The following TYRO3 variants were observed in gnomAD, a reference collection of about 807,000 sequenced individuals.
TYRO3 encodes the protein tyrosine-protein kinase receptor TYRO3.
TYRO3 carries 38 observed loss-of-function variants against 95.2 expected under a neutral mutation model. The ratio of observed to expected loss-of-function variants is 0.40; its 90% CI spans 0.31 to 0.52. The LOEUF (loss-of-function observed/expected upper bound fraction) is 0.52, where lower values mean the gene tolerates loss of function less well. TYRO3 is among the 20% of genes least tolerant of loss of function. TYRO3 has a pLI of 0.56. For synonymous variants in TYRO3, 367 were observed against 432.9 expected (o/e 0.85, Z 1.89); for missense variants, 812 against 1,116.4 (o/e 0.73, Z 3.89).
chr15:41,561,415 T>C, intron 2 of TYRO3, 105 bp downstream of exon 2: 2 of 1,541,166 alleles, frequency 1.3e-6, no homozygotes, highest in Non-Finnish European at 1.8e-6. Flanking sequence ...CAGAGGTCTG[T>C]GGTTTTTTTA....
intron 1 of TYRO3, among the ~76,000 whole-genome samples, chr15:41,559,707 C>G (rs1049984572): frequency 7.9e-5 from 12 of 152,178 alleles, no homozygotes; most frequent in Admixed American, 5.9e-4. Flanking sequence ...CCCTCCTTCC[C>G]AGTACTGGGG....
At chr15:41,569,155 C>A in intron 9 of TYRO3, 133 bp downstream of exon 9, 2 of 1,113,588 alleles carry the variant, frequency 1.8e-6, no homozygotes, top group South Asian at 1.7e-5. Context: ...AAGTTGAGGC[C>A]AGGGCTGTTT....
intron 15 of TYRO3, 132 bp from the exon 16 acceptor site, chr15:41,572,870 G>T: frequency 1.3e-6 from 1 of 786,872 alleles, no homozygotes; most frequent in Non-Finnish European, 2.0e-6. Context: ...GCCTTGGGAA[G>T]GCCCTCCATC....
At position 41,583,109 on chromosome 15, in the gene TYRO3, G is replaced by C. The variant is rs1391092430; in HGVS notation, c.*4833G>C. On this transcript the variant is annotated 3_prime_UTR_variant, in exon 19 of 19. Coordinates refer to ENST00000263798, the MANE Select transcript of TYRO3 (RefSeq NM_006293.4). ...TCTCAGTTCAAGCGAGTCTCCTCCT[G>C]CCTCACACTCCCAATTAGCTGGGAC... 2.7e-5 allele frequency: 4 copies of C among 149,984 alleles called. No homozygotes were observed. Among genetic ancestry groups the C allele is most frequent in the African/African-American group, 9.8e-5 (4 of 40,718 alleles). The allele number at this position is 149,984 out of a possible 1,614,324, so 9.3% of individuals were successfully genotyped here.
chr15:41,576,267 C>T (rs921466506), intron 18 of TYRO3, among the ~76,000 whole-genome samples: 4 of 151,942 alleles, frequency 2.6e-5, no homozygotes, highest in African/African-American at 9.7e-5. Flanking sequence ...AATCTTGGCT[C>T]ACCACAACTT....
chr15:41,567,481 A>C lies in TYRO3; in HGVS notation c.905A>C (p.Asn302Thr), dbSNP rs200163412. 2 of 1,605,638 alleles carry C rather than the reference A, an allele frequency of 1.2e-6. No individual in the cohort carries two copies. Among genetic ancestry groups the C allele is most frequent in the Non-Finnish European group, 1.7e-6 (2 of 1,176,746 alleles). ...TACAGCCTCAGGGTGCGCTGTGCCA[A>C]TGCCTTGGGGCCCTCTCCCTATGCT... ...TNYSLRVRCANALGPSPYADW... is the reference protein window; with the variant it reads ...TNYSLRVRCATALGPSPYADW... The change falls in exon 7 of 19, where the codon AAT becomes ACT. Residue 302 changes from asparagine to threonine, a missense_variant. Transcript: ENST00000263798.
intron 6 of TYRO3, among the ~76,000 whole-genome samples, chr15:41,565,943 A>ATGAG (rs370198612): frequency 9.5e-4 from 145 of 152,268 alleles, no homozygotes; most frequent in African/African-American, 3.2e-3. Context: ...AGGCCATTTA[A>ATGAG]TGAGTACCTT....
chr15:41,577,660 GTAT>G (rs990585675), intron 18 of TYRO3: 1 of 392,592 alleles, frequency 2.5e-6, no homozygotes, highest in Non-Finnish European at 4.6e-6. Flanking sequence ...GCTAATTTTT[GTAT>G]TATTATAGAG....
chr15:41,565,147 C>G lies in TYRO3; in HGVS notation c.783+6C>G, dbSNP rs2055705991. On this transcript the variant is annotated splice_donor_region_variant and intron_variant, in intron 6 of 18. Coordinates refer to ENST00000263798, the MANE Select transcript of TYRO3 (RefSeq NM_006293.4). Reference sequence around the variant, plus strand: ...TACAGTCCTGTACAGTTCAGGTAGGCTCTCCGGGCCGGGCCATGCTCGTTC... The same window carrying G: ...TACAGTCCTGTACAGTTCAGGTAGGGTCTCCGGGCCGGGCCATGCTCGTTC... The G allele has an allele frequency of 7.7e-7, 1 of 1,296,878 alleles. No individual in the cohort carries two copies. Among genetic ancestry groups the G allele is most frequent in the Non-Finnish European group, 1.1e-6 (1 of 897,434 alleles). The allele number at this position is 1,296,878 out of a possible 1,614,324, so 80.3% of individuals were successfully genotyped here.
At chr15:41,577,787 G>C (rs2055878253) in intron 18 of TYRO3, 99 bp from the exon 19 acceptor site, 2 of 1,293,370 alleles carry the variant, frequency 1.5e-6, no homozygotes, top group Middle Eastern at 2.8e-4. Flanking sequence ...TGCCCCACCA[G>C]GGAATAAAAT....
chr15:41,566,320 TAAAAAAAAAAA>T (rs57924730), intron 6 of TYRO3, among the ~76,000 whole-genome samples: 5 of 40,958 alleles, frequency 1.2e-4, no homozygotes, highest in African/African-American at 6.0e-4. Context: ...CTGTCTCTAT[TAAAAAAAAAAA>T]AAAAAAAAAA....
rs2055748306 is a variant in TYRO3 at position 41,568,205 on chromosome 15, CTT to C, written c.962-10_962-9del. On this transcript the variant is annotated splice_polypyrimidine_tract_variant and intron_variant, in intron 7 of 18. Coordinates refer to ENST00000263798, the MANE Select transcript of TYRO3 (RefSeq NM_006293.4). ...GGCAGGGGTCTTAGCAATCTTCTCT[CTT>C]TGGCTGCAGCCCCAGCCAGCGCTCC... 6.2e-7 allele frequency: 1 copy of C among 1,611,756 alleles called. No homozygotes were observed. The highest frequency in any genetic ancestry group is 1.3e-5 in the African/African-American group (1 of 74,930).
intron 4 of TYRO3, among the ~76,000 whole-genome samples, 179 bp from the exon 5 acceptor site, chr15:41,564,005 C>G (rs771263551): frequency 3.3e-5 from 5 of 152,202 alleles, no homozygotes; most frequent in Non-Finnish European, 7.3e-5. Context: ...ACAGAGCCCT[C>G]TCCAGGCTCA....
intron 7 of TYRO3, among the ~76,000 whole-genome samples, chr15:41,567,990 T>C (rs2055745417): frequency 6.6e-6 from 1 of 152,010 alleles, no homozygotes; most frequent in African/African-American, 2.4e-5. Flanking sequence ...GCAGTAACCA[T>C]GGTGATGAAG....
intron 12 of TYRO3, 43 bp from the exon 13 acceptor site, chr15:41,570,995 C>T: frequency 6.3e-7 from 1 of 1,581,036 alleles, no homozygotes; most frequent in Non-Finnish European, 8.7e-7. Context: ...TGGCAGGGAG[C>T]AGAGAGCCAA....
intron 12 of TYRO3, 104 bp from the exon 13 acceptor site, chr15:41,570,934 C>A: frequency 7.7e-7 from 1 of 1,299,730 alleles, no homozygotes; most frequent in Non-Finnish European, 1.1e-6. Flanking sequence ...TCTCCACTGG[C>A]CCCAGAGTCT....
intron 14 of TYRO3, 96 bp downstream of exon 14, chr15:41,571,783 A>T (rs575014836): frequency 7.5e-5 from 41 of 548,846 alleles, no homozygotes; most frequent in Non-Finnish European, 1.3e-4. Flanking sequence ...TTTTGGACTC[A>T]TCTGGTAAAT....
chr15:41,578,209 G>A lies in TYRO3; in HGVS notation c.2606G>A (p.Ser869Asn). The change falls in exon 19 of 19, where the codon AGT becomes AAT. Residue 869 changes from serine to asparagine, a missense_variant. By Grantham distance (46) the Ser-to-Asn change is conservative (BLOSUM62 1). Coordinates refer to ENST00000263798, the MANE Select transcript of TYRO3 (RefSeq NM_006293.4). Reference sequence around the variant, plus strand: ...GGGCAGGCAGAGCACCAGCCAGAGAGTCCCCTCAATGAGACACAGAGGCTT... The same window carrying A: ...GGGCAGGCAGAGCACCAGCCAGAGAATCCCCTCAATGAGACACAGAGGCTT... ...QPGQAEHQPESPLNETQRLLL... is the reference protein window; with the variant it reads ...QPGQAEHQPENPLNETQRLLL... The A allele has an allele frequency of 6.2e-7, 1 of 1,613,890 alleles. No homozygotes were observed.
intron 3 of TYRO3, 42 bp downstream of exon 3, chr15:41,561,681 G>A (rs1409698487): frequency 1.2e-5 from 17 of 1,391,386 alleles, no homozygotes; most frequent in Non-Finnish European, 1.5e-5. Context: ...CCTGGAGCAC[G>A]TGCTGTCTGC....
Sources: allele counts gnomAD v4.1 joint callset (sites outside exome capture counted in the v4.1 genomes callset), GRCh38; gene constraint gnomAD v4.1.1; transcripts MANE v1.5; gene names NCBI Gene and HGNC (gene_info 2026-07-23, HGNC 2026-07-21).